Variants in PER2 observed in about 807,000 individuals in gnomAD.
PER2 encodes period circadian regulator 2.
In PER2, 66 loss-of-function variants were observed where a neutral mutation model predicts 121.0. The ratio of observed to expected loss-of-function variants is 0.55; its 90% CI spans 0.45 to 0.67. The LOEUF (loss-of-function observed/expected upper bound fraction) is 0.67. Among genes scored for constraint, PER2 ranks in the 30% least tolerant of loss-of-function variants. The pLI, the probability that PER2 is intolerant of heterozygous loss-of-function variation, is 0.00. For missense variants in PER2, 1,521 were observed against 1,635.0 expected, an observed-to-expected ratio of 0.93 and a Z score of 1.20; for synonymous variants, 684 against 659.9, an observed-to-expected ratio of 1.04 and a Z score of -0.56.
chr2:238,261,879 G>A, intron 11 of PER2, 42 bp from the exon 12 acceptor site: 2 of 1,390,168 alleles, frequency 1.4e-6, no homozygotes, highest in Non-Finnish European at 2.0e-6. Context: ...GGCCCCACAG[G>A]AGGACCTCTC....
At position 238,253,370 on chromosome 2, in the gene PER2, G is replaced by T; in HGVS notation, c.2653C>A (p.Leu885Ile). 6.2e-7 allele frequency: 1 copy of T among 1,613,050 alleles called. No individual in the cohort carries two copies. The highest frequency in any genetic ancestry group is 1.1e-5 in the South Asian group (1 of 90,982). The change falls in exon 19 of 23, where the codon CTC becomes ATC. Residue 885 changes from leucine (L) to isoleucine (I), a missense_variant. By Grantham distance (5) the Leu-to-Ile change is conservative (BLOSUM62 2). Coordinates refer to ENST00000254657, the MANE Select transcript of PER2 (RefSeq NM_022817.3). This position sits in a 1 kb window ranked among gnomAD's most constrained non-coding sequence, Gnocchi z 5.6. ...SFTVPAVPVD[L>I]QHQFAVQPPP... The stretch of plus-strand genomic sequence containing the variant: ...GGCTGGACTGCAAACTGGTGCTGGA[G>T]GTCCACGGGCACAGCAGGCACTGTG...
chr2:238,270,666 G>A (rs1006992860), intron 6 of PER2, among the ~76,000 whole-genome samples: 1 of 152,240 alleles, frequency 6.6e-6, no homozygotes, highest in South Asian at 2.1e-4. Context: ...CACACCCCCA[G>A]CTGGCTCCAG....
intron 8 of PER2, among the ~76,000 whole-genome samples, chr2:238,266,882 CA>C (rs71402778): frequency 6.7e-6 from 1 of 149,738 alleles, no homozygotes; most frequent in East Asian, 1.9e-4. Flanking sequence ...TACTAAAATA[CA>C]AAAAAAAAGA....
chr2:238,248,388 A>G (rs1393939716), intron 22 of PER2, among the ~76,000 whole-genome samples: 1 of 152,190 alleles, frequency 6.6e-6, no homozygotes, highest in Non-Finnish European at 1.5e-5. Context: ...CGCTGGAAGG[A>G]CATGTGCCTG....
chr2:238,248,937 G>A (rs1311020355), intron 22 of PER2, 125 bp downstream of exon 22: 3 of 1,054,204 alleles, frequency 2.8e-6, no homozygotes, highest in East Asian at 2.4e-5. Flanking sequence ...TTACAGGCGT[G>A]AGCCACCGCG....
In PER2 at chr2:238,277,859, G is replaced by C; in HGVS notation, c.78C>G (p.Val26=). The part of the protein sequence containing the change: ...KEPVEPQPSQ[V]PLQEDVDMSS... ...TCATGTCCACATCTTCCTGCAGTGG[G>C]ACCTGGCTGGGCTGGGGCTCCACGG... The change falls in exon 2 of 23, where the codon GTC becomes GTG. Residue 26 remains valine (V), a synonymous_variant. Coordinates refer to ENST00000254657, the MANE Select transcript of PER2 (RefSeq NM_022817.3). 1 of 1,614,202 alleles carries C rather than the reference G, an allele frequency of 6.2e-7. No homozygotes were observed. The highest frequency in any genetic ancestry group is 8.5e-7 in the Non-Finnish European group (1 of 1,180,048).
chr2:238,268,191 T>G lies in PER2; in HGVS notation c.832A>C (p.Lys278Gln), dbSNP rs1252374833. Residue 278 changes from lysine (K) to glutamine (Q), a missense_variant, in exon 8 of 23, where the codon AAA becomes CAA. Transcript: ENST00000254657. The surrounding 1 kb of genome is among the most constrained non-coding windows in gnomAD (Gnocchi z 4.0). ...KSFFCRVSVRKSHENEIRYHP... is the reference protein window; with the variant it reads ...KSFFCRVSVRQSHENEIRYHP... ...TAGCGGATTTCATTCTCGTGGCTTT[T>G]CCGGACACTGCGGAGAAGAGCCACG... The G allele has an allele frequency of 1.5e-5, 25 of 1,613,806 alleles. No homozygotes were observed. Among genetic ancestry groups the G allele is most frequent in the Non-Finnish European group, 2.0e-5 (24 of 1,179,958 alleles).
chr2:238,246,898 C>G (rs1695466142), intron 22 of PER2, among the ~76,000 whole-genome samples: 1 of 152,084 alleles, frequency 6.6e-6, no homozygotes, highest in African/African-American at 2.4e-5. Flanking sequence ...GTCATTCAAA[C>G]TGAGTAAGGT....
intron 5 of PER2, among the ~76,000 whole-genome samples, chr2:238,271,717 A>C (rs1696293838): frequency 1.3e-5 from 2 of 152,134 alleles, no homozygotes; most frequent in African/African-American, 4.8e-5. Flanking sequence ...CAAGCCCCTC[A>C]TTCTAAAGTT....
intron 1 of PER2, among the ~76,000 whole-genome samples, chr2:238,286,651 C>A (rs1696797780): frequency 6.6e-6 from 1 of 152,172 alleles, no homozygotes; most frequent in South Asian, 2.1e-4. Context: ...GCTCCCTCTG[C>A]CAAACAGAGT....
chr2:238,250,762 T>A lies in PER2; in HGVS notation c.3275-19A>T. 1 of 1,574,094 alleles carries A rather than the reference T, an allele frequency of 6.4e-7. No individual in the cohort carries two copies. Among genetic ancestry groups the A allele is most frequent in the Non-Finnish European group, 8.7e-7 (1 of 1,144,134 alleles). ...CTACTGCCTTTAAAAACAAAAAACG[T>A]GGTGCGTCAAAACATTGACATATGA... On this transcript the variant is annotated intron_variant, in intron 20 of 22. Coordinates refer to ENST00000254657, the MANE Select transcript of PER2 (RefSeq NM_022817.3).
At chr2:238,296,083 T>TGTGACCACGGACACGGGCAGACATTC in the PER2 span, among the ~76,000 whole-genome samples, 11 of 57,176 alleles carry the variant, frequency 1.9e-4, no homozygotes, top group Non-Finnish European at 1.1e-4. Context: ...TCGTGTGCCC[T>TGTGACCACGGACACGGGCAGACATTC]CCTGCTGCAG....
intron 1 of PER2, among the ~76,000 whole-genome samples, chr2:238,285,694 C>T (rs1696761565): frequency 7.7e-6 from 1 of 130,484 alleles, no homozygotes; most frequent in African/African-American, 2.6e-5. Context: ...CAGGACAGTG[C>T]CAGCCCCCCA....
In PER2 at chr2:238,288,558, G is replaced by GCCGGCGCTGGGACCCCGAC. The variant is rs1696862562; in HGVS notation, c.-248_-230dup. ...TTCCGGCGGCGCCTCCGCTGCCCGAGCCGGCGCTGGGACCCCGACCTGCCC... is the reference window on the plus strand; with the variant it reads ...TTCCGGCGGCGCCTCCGCTGCCCGAGCCGGCGCTGGGACCCCGACCCGGCGCTGGGACCCCGACCTGCCC... On this transcript the variant is annotated 5_prime_UTR_variant, in exon 1 of 23. Coordinates refer to ENST00000254657, the MANE Select transcript of PER2 (RefSeq NM_022817.3). 6.6e-6 allele frequency: 1 copy of GCCGGCGCTGGGACCCCGAC among 151,658 alleles called. No homozygotes were observed. The highest frequency in any genetic ancestry group is 1.5e-5 in the Non-Finnish European group (1 of 67,870). 9.4% of individuals were successfully genotyped at this position (151,658 alleles called of 1,614,324 possible). A position where few individuals can be genotyped will look rare whatever the true frequency, so the allele number is the denominator to read the frequency against.
chr2:238,291,774 G>A (rs1221862478), upstream of PER2, among the ~76,000 whole-genome samples: 4 of 152,250 alleles, frequency 2.6e-5, no homozygotes, highest in South Asian at 4.1e-4. Flanking sequence ...AGCTCACAGA[G>A]GTGACCTCAA....
chr2:238,277,245 A>G, intron 2 of PER2, 52 bp from the exon 3 acceptor site: 1 of 1,183,650 alleles, frequency 8.4e-7, no homozygotes, highest in South Asian at 1.2e-5. Flanking sequence ...TGCTCCAGAC[A>G]CATCTTCCCC....
In PER2 at chr2:238,255,849, C is replaced by A; in HGVS notation, c.2128G>T (p.Ala710Ser). Residue 710 changes from alanine (A) to serine (S), a missense_variant, in exon 18 of 23, where the codon GCC (alanine) becomes TCC (serine). Physicochemically the swap from Ala to Ser is moderately conservative, Grantham distance 99 (BLOSUM62 1). Coordinates refer to ENST00000254657, the MANE Select transcript of PER2 (RefSeq NM_022817.3). ...TCCTTCTCTTGGCTGAGACCACAGG[C>A]CAGGGCAGGGCCCGCCAGGCAGTCC... is the stretch of plus-strand genomic sequence containing the variant. Reference protein sequence around the residue: ...SLDCLAGPALACGLSQEKEPF... With the variant: ...SLDCLAGPALSCGLSQEKEPF... 1.9e-6 allele frequency: 3 copies of A among 1,614,246 alleles called. No homozygotes were observed. Among genetic ancestry groups the A allele is most frequent in the Non-Finnish European group, 2.5e-6 (3 of 1,180,046 alleles).
At chr2:238,256,672 C>T (rs1049412419) in intron 17 of PER2, among the ~76,000 whole-genome samples, 3 of 152,204 alleles carry the variant, frequency 2.0e-5, no homozygotes, top group Admixed American at 6.5e-5. Context: ...ATCAACCCTC[C>T]TGCGTTGATG....
intron 1 of PER2, among the ~76,000 whole-genome samples, chr2:238,287,163 G>A (rs111529047): frequency 3.1e-4 from 47 of 152,302 alleles, no homozygotes; most frequent in African/African-American, 1.1e-3. Flanking sequence ...GAAAGCCAGG[G>A]CTGCGTTAGT....
Sources: allele counts gnomAD v4.1 joint callset (sites outside exome capture counted in the v4.1 genomes callset), GRCh38; gene constraint gnomAD v4.1.1; non-coding constraint Gnocchi (gnomAD v3.1); transcripts MANE v1.5; gene names NCBI Gene and HGNC (gene_info 2026-07-23, HGNC 2026-07-21).